The following SNAP91 variants were observed in gnomAD, a reference collection of about 807,000 sequenced individuals.
The protein encoded by SNAP91 is synaptosome associated protein 91, also known as clathrin coat assembly protein AP180.
SNAP91 carries 27 observed loss-of-function variants against 100.3 expected under a neutral mutation model. That is an observed-to-expected ratio of 0.27 (90% CI 0.20 to 0.37). The LOEUF (loss-of-function observed/expected upper bound fraction) is 0.37, where lower values mean the gene tolerates loss of function less well. Among genes scored for constraint, SNAP91 ranks in the 10% least tolerant of loss-of-function variants. SNAP91 has a pLI of 1.00. For missense variants in SNAP91, 986 were observed against 1,123.7 expected, an observed-to-expected ratio of 0.88 and a Z score of 1.75; for synonymous variants, 404 against 398.6, an observed-to-expected ratio of 1.01 and a Z score of -0.16.
chr6:83,648,495 G>A (rs1282281423), intron 7 of SNAP91, among the ~76,000 whole-genome samples: 5 of 151,910 alleles, frequency 3.3e-5, no homozygotes, highest in African/African-American at 1.2e-4. Context: ...TGGGTCATAA[G>A]TTAGGTGTAT....
At chr6:83,643,921 TG>T in intron 7 of SNAP91, among the ~76,000 whole-genome samples, 1 of 152,306 alleles carries the variant, frequency 6.6e-6, no homozygotes, top group Middle Eastern at 3.4e-3. Context: ...TTATCCACTC[TG>T]TCCTGTTTTC....
intron 5 of SNAP91, among the ~76,000 whole-genome samples, chr6:83,661,092 C>T (rs1159457673): frequency 2.6e-5 from 4 of 152,194 alleles, no homozygotes; most frequent in Non-Finnish European, 4.4e-5. Flanking sequence ...ACAGGTATCA[C>T]TGTGCCAGGC....
At chr6:83,628,300 T>C (rs2097054034) in intron 8 of SNAP91, among the ~76,000 whole-genome samples, 1 of 150,268 alleles carries the variant, frequency 6.7e-6, no homozygotes, top group African/African-American at 2.4e-5. Flanking sequence ...GGTTCCACGA[T>C]TTTGCAATTG....
intron 24 of SNAP91, among the ~76,000 whole-genome samples, chr6:83,577,460 T>C (rs568718004): frequency 1.3e-5 from 2 of 152,192 alleles, no homozygotes; most frequent in Non-Finnish European, 2.9e-5. Context: ...TTATGCCTGT[T>C]CATGTGAAAA....
chr6:83,607,568 G>T (rs935791119), intron 13 of SNAP91, 131 bp downstream of exon 13: 1 of 542,820 alleles, frequency 1.8e-6, no homozygotes, highest in Non-Finnish European at 3.2e-6. Context: ...AATGTACTTT[G>T]TGTAGTAAAA....
intron 2 of SNAP91, among the ~76,000 whole-genome samples, chr6:83,676,539 C>A (rs1243298707): frequency 2.6e-5 from 4 of 152,072 alleles, no homozygotes; most frequent in Non-Finnish European, 5.9e-5. Context: ...CTGATGGATT[C>A]AAGAAAGAAC....
intron 2 of SNAP91, among the ~76,000 whole-genome samples, chr6:83,681,357 ATCTC>A (rs2098987112): frequency 3.3e-5 from 5 of 152,130 alleles, no homozygotes; most frequent in Admixed American, 3.3e-4. Context: ...GAGGTTTTCT[ATCTC>A]TCTAGGCCCT....
Position 83,667,206 on chromosome 6 carries a change from C to G in SNAP91, c.131-1625G>C, listed in dbSNP as rs903984257. On this transcript the variant is annotated intron_variant, in intron 2 of 29. Transcript: ENST00000369694. ...GCATTTAAACGTAACAGAAGATAAA[C>G]AGTTCACTGATACAGTTTCAGAGTC... 4.6e-5 allele frequency among the ~76,000 whole-genome samples: 7 copies of G among 152,114 alleles called. No homozygotes were observed. In the East Asian group the frequency reaches 1.4e-3, roughly 29 times the overall value.
At chr6:83,667,925 T>C (rs1383061021) in intron 2 of SNAP91, among the ~76,000 whole-genome samples, 1 of 152,170 alleles carries the variant, frequency 6.6e-6, no homozygotes, top group Non-Finnish European at 1.5e-5. Flanking sequence ...TTTTGCAATC[T>C]ACTCATCTGA....
chr6:83,688,839 T>C (rs1342893530), intron 2 of SNAP91, among the ~76,000 whole-genome samples: 1 of 152,154 alleles, frequency 6.6e-6, no homozygotes, highest in Non-Finnish European at 1.5e-5. Flanking sequence ...CTTCTGTGCT[T>C]TCAAAACATA....
chr6:83,621,193 A>G (rs1014282261), intron 9 of SNAP91, among the ~76,000 whole-genome samples: 2 of 152,144 alleles, frequency 1.3e-5, no homozygotes, highest in Non-Finnish European at 1.5e-5. Flanking sequence ...GCTCCCACTT[A>G]TAAGTGAGAA....
chr6:83,560,672 C>T (rs544085745), intron 27 of SNAP91, among the ~76,000 whole-genome samples, 192 bp downstream of exon 27: 2 of 152,224 alleles, frequency 1.3e-5, no homozygotes, highest in East Asian at 3.9e-4. Flanking sequence ...GATGGTAGAA[C>T]ATAAGTATTT....
chr6:83,657,770 A>G (rs1451574067), intron 6 of SNAP91, among the ~76,000 whole-genome samples: 1 of 142,644 alleles, frequency 7.0e-6, no homozygotes, highest in Non-Finnish European at 1.5e-5. Context: ...CAGATTTCAG[A>G]TTTTTTTTTT....
In SNAP91 at chr6:83,560,335, T is replaced by C. The variant is rs895404307; in HGVS notation, c.2527-127A>G. 14 of 681,132 alleles carry C rather than the reference T, an allele frequency of 2.1e-5. No individual in the cohort carries two copies. The Admixed American group carries it at 3.2e-4, about 16-fold the overall frequency. 42.2% of individuals were successfully genotyped at this position (681,132 alleles called of 1,614,324 possible). A position where few individuals can be genotyped will look rare whatever the true frequency, so the allele number is the denominator to read the frequency against. ...AATCCAGGACTATGAGGAAGCATAA[T>C]TTGTAATTTTAATTAGGGATAATGT... On this transcript the variant is annotated intron_variant, in intron 27 of 29. Coordinates refer to ENST00000369694, the MANE Select transcript of SNAP91 (RefSeq NM_001242792.2).
At chr6:83,601,019 A>G (rs898149451) in intron 16 of SNAP91, among the ~76,000 whole-genome samples, 10 of 152,336 alleles carry the variant, frequency 6.6e-5, no homozygotes, top group Admixed American at 3.3e-4. Flanking sequence ...AGGTAGCAAC[A>G]TGAATTCTAA....
intron 26 of SNAP91, among the ~76,000 whole-genome samples, chr6:83,571,017 A>G (rs1432780569): frequency 6.6e-6 from 1 of 151,850 alleles, no homozygotes; most frequent in Non-Finnish European, 1.5e-5. Flanking sequence ...AGCCACAGAC[A>G]CTCAACACCA....
intron 24 of SNAP91, among the ~76,000 whole-genome samples, chr6:83,578,500 T>C (rs1380421612): frequency 1.3e-5 from 2 of 152,198 alleles, no homozygotes; most frequent in Non-Finnish European, 2.9e-5. Context: ...TGGCCATCTG[T>C]ATATATTCTT....
chr6:83,636,200 C>T (rs2097438973), intron 8 of SNAP91, among the ~76,000 whole-genome samples: 1 of 152,130 alleles, frequency 6.6e-6, no homozygotes, highest in South Asian at 2.1e-4. Context: ...CTTGTATTCA[C>T]ATGTCAATCT....
intron 2 of SNAP91, among the ~76,000 whole-genome samples, chr6:83,671,445 G>C (rs1287900685): frequency 1.3e-5 from 2 of 152,026 alleles, no homozygotes; most frequent in African/African-American, 4.8e-5. Flanking sequence ...GATAAATTCA[G>C]TTTTACTTTG....
Sources: allele counts gnomAD v4.1 joint callset (sites outside exome capture counted in the v4.1 genomes callset), GRCh38; gene constraint gnomAD v4.1.1; transcripts MANE v1.5; gene names NCBI Gene and HGNC (gene_info 2026-07-23, HGNC 2026-07-21).